Variants in ASIC2 observed in about 807,000 individuals in gnomAD.
ASIC2 encodes the protein acid sensing ion channel subunit 2.
In ASIC2, 25 loss-of-function variants were observed where a neutral mutation model predicts 57.3. That is an observed-to-expected ratio of 0.44 (90% CI 0.32 to 0.61). The LOEUF (loss-of-function observed/expected upper bound fraction) is 0.61, where lower values mean the gene tolerates loss of function less well. ASIC2 is among the 20% of genes least tolerant of loss of function. The pLI is 0.06. For synonymous variants in ASIC2, 319 were observed against 307.5 expected, an observed-to-expected ratio of 1.04 and a Z score of -0.39; for missense variants, 641 against 738.1, an observed-to-expected ratio of 0.87 and a Z score of 1.52.
chr17:34,071,535 A>C (rs986872526), intron 1 of ASIC2: 1 of 152,256 alleles, frequency 6.6e-6, no homozygotes, highest in Non-Finnish European at 1.5e-5. Flanking sequence ...AAACGAATAG[A>C]AAATCATTAC....
At chr17:33,639,956 C>G (rs1906503176) in intron 1 of ASIC2, among the ~76,000 whole-genome samples, 1 of 151,996 alleles carries the variant, frequency 6.6e-6, no homozygotes, top group Non-Finnish European at 1.5e-5. Flanking sequence ...TAACAAGGGT[C>G]CTGATACAAG....
chr17:33,398,303 T>TG (rs1413117064), intron 1 of ASIC2, among the ~76,000 whole-genome samples: 5 of 152,158 alleles, frequency 3.3e-5, no homozygotes, highest in Admixed American at 3.3e-4. Context: ...ACTAAATACT[T>TG]GTTGAGTGAA....
Position 33,199,069 on chromosome 17 carries a change from C to T in ASIC2, c.709-87002G>A, listed in dbSNP as rs115082184. 5.0e-3 allele frequency among the ~76,000 whole-genome samples: 765 copies of T among 152,294 alleles called. 6 individuals are homozygous for T. Among genetic ancestry groups the T allele is most frequent in the African/African-American group, 0.017 (723 of 41,558 alleles). The stretch of plus-strand genomic sequence containing the variant: ...GTAGGATAAATGATAAGTCTGTTAA[C>T]GAATACCTCAGTTAATTTTATGGCA... On this transcript the variant is annotated intron_variant, in intron 1 of 9. Coordinates refer to ENST00000225823, the MANE Select transcript of ASIC2 (RefSeq NM_183377.2).
intron 1 of ASIC2, chr17:34,051,854 C>CACACAT (rs1908571266): frequency 1.8e-5 from 2 of 111,172 alleles, no homozygotes; most frequent in African/African-American, 7.2e-5. Context: ...CACATACACA[C>CACACAT]ACACAGAGAG....
In ASIC2 at chr17:33,754,694, C is replaced by T. The variant is rs575055456; in HGVS notation, c.555+401284G>A. Among the ~76,000 whole-genome samples the T allele has an allele frequency of 2.3e-4, 35 of 152,052 alleles. No homozygotes were observed. In the South Asian group the frequency reaches 7.1e-3, roughly 31 times the overall value. ...CCCTATAGGCTGGTGCGGTGGCTCA[C>T]GCCTGTAATCCCAGCACTTTGGGAG... On this transcript the variant is annotated intron_variant, in intron 1 of 9. Transcript: ENST00000359872.
At chr17:33,417,500 C>T (rs549293162) in intron 1 of ASIC2, among the ~76,000 whole-genome samples, 5 of 152,296 alleles carry the variant, frequency 3.3e-5, no homozygotes, top group South Asian at 2.1e-4. Context: ...TAATGCCTTT[C>T]GGTAAAAAGA....
At chr17:33,230,337 CTT>C (rs1372763141) in intron 1 of ASIC2, among the ~76,000 whole-genome samples, 1 of 152,238 alleles carries the variant, frequency 6.6e-6, no homozygotes, top group Non-Finnish European at 1.5e-5. Context: ...GACTGTCACT[CTT>C]TGGCAGAAGC....
intron 1 of ASIC2, chr17:33,541,483 T>C (rs1209336236): frequency 6.6e-6 from 1 of 152,160 alleles, no homozygotes; most frequent in African/African-American, 2.4e-5. Context: ...AACATCTAAC[T>C]CTGCCCACTC....
intron 1 of ASIC2, among the ~76,000 whole-genome samples, chr17:33,799,423 CTTTCTTCTTTCTTTCTTTCTTTCTTTCT>C (rs1912041377): frequency 3.0e-5 from 2 of 66,716 alleles, no homozygotes; most frequent in African/African-American, 1.3e-4. Flanking sequence ...TTCTTTCTTT[CTTTCTTCTTTCTTTCTTTCTTTCTTTCT>C]TTCTTTCTTT....
chr17:33,540,722 A>G (rs143979047), intron 1 of ASIC2, among the ~76,000 whole-genome samples: 1 of 152,252 alleles, frequency 6.6e-6, no homozygotes, highest in East Asian at 1.9e-4. Flanking sequence ...TTCACTGAGC[A>G]TAGGGACCAG....
At chr17:33,439,087 T>G (rs1464440246) in intron 1 of ASIC2, among the ~76,000 whole-genome samples, 1 of 152,144 alleles carries the variant, frequency 6.6e-6, no homozygotes, top group African/African-American at 2.4e-5. Context: ...CAGGTAATCT[T>G]GCCTCCTTGG....
intron 1 of ASIC2, chr17:34,071,373 C>T (rs1299609598): frequency 6.6e-6 from 1 of 152,180 alleles, no homozygotes; most frequent in East Asian, 1.9e-4. Flanking sequence ...AACACATCCA[C>T]TTCTCACCAT....
intron 1 of ASIC2, among the ~76,000 whole-genome samples, chr17:33,602,311 G>A (rs1905132166): frequency 6.6e-6 from 1 of 152,228 alleles, no homozygotes; most frequent in Non-Finnish European, 1.5e-5. Context: ...GGTGTTGAGA[G>A]ATGGGACTTT....
intron 1 of ASIC2, among the ~76,000 whole-genome samples, chr17:34,019,126 T>G (rs1232487309): frequency 1.3e-5 from 2 of 152,046 alleles, no homozygotes; most frequent in African/African-American, 2.4e-5. Context: ...GCCAGGATGG[T>G]CTTGATCTCC....
intron 1 of ASIC2, among the ~76,000 whole-genome samples, chr17:33,373,312 T>A (rs1909153562): frequency 6.6e-6 from 1 of 152,250 alleles, no homozygotes; most frequent in African/African-American, 2.4e-5. Flanking sequence ...ACATAGTTGA[T>A]TCCATCTTGC....
chr17:33,031,148 T>C (rs969379136), intron 3 of ASIC2, among the ~76,000 whole-genome samples: 4 of 152,150 alleles, frequency 2.6e-5, no homozygotes, highest in Admixed American at 2.0e-4. Flanking sequence ...TGATTGTGTG[T>C]ATGCGTGTGA....
chr17:33,608,748 G>A (rs929010290), intron 1 of ASIC2, among the ~76,000 whole-genome samples: 2 of 152,118 alleles, frequency 1.3e-5, no homozygotes, highest in Non-Finnish European at 1.5e-5. Context: ...AATTAAATGG[G>A]TATATAATAG....
At chr17:33,174,734 C>T (rs574030667) in intron 1 of ASIC2, among the ~76,000 whole-genome samples, 18 of 152,258 alleles carry the variant, frequency 1.2e-4, no homozygotes, top group South Asian at 4.2e-4. Context: ...TTTCAGAGCC[C>T]GTGTCCTGGT....
intron 1 of ASIC2, among the ~76,000 whole-genome samples, chr17:33,800,294 G>T (rs567592076): frequency 1.3e-4 from 20 of 152,292 alleles, no homozygotes; most frequent in African/African-American, 4.3e-4. Flanking sequence ...CACAGGAATT[G>T]TGGGCATCAG....
Sources: allele counts gnomAD v4.1 joint callset (sites outside exome capture counted in the v4.1 genomes callset), GRCh38; gene constraint gnomAD v4.1.1; transcripts MANE v1.5; gene names NCBI Gene and HGNC (gene_info 2026-07-23, HGNC 2026-07-21).